Variants in CAMK1D observed in about 807,000 individuals in gnomAD.
CAMK1D encodes calcium/calmodulin dependent protein kinase ID.
A neutral mutation model predicts 47.7 loss-of-function variants in CAMK1D; 9 were observed. The ratio of observed to expected loss-of-function variants is 0.19; its 90% CI spans 0.11 to 0.33. The LOEUF (loss-of-function observed/expected upper bound fraction) is 0.33. Among genes scored for constraint, CAMK1D ranks in the 10% least tolerant of loss-of-function variants. CAMK1D has a pLI of 1.00. For synonymous variants in CAMK1D, 184 were observed against 184.9 expected, an observed-to-expected ratio of 0.99 and a Z score of 0.04; for missense variants, 291 against 488.7, an observed-to-expected ratio of 0.60 and a Z score of 3.81.
chr10:12,544,922 T>A (rs1323746149), intron 1 of CAMK1D, among the ~76,000 whole-genome samples: 1 of 151,982 alleles, frequency 6.6e-6, no homozygotes, highest in Admixed American at 6.6e-5. Flanking sequence ...GAGCGGAAGG[T>A]CATTAGGATA....
rs138815042 is a variant in CAMK1D, at chr10:12,452,859, G to A, written c.93-100366G>A. ...TGGGATTACAGGCATGAGCCACCGC[G>A]CCTGGCCCATTTTGACTGTTTTTAA... On this transcript the variant is annotated intron_variant, in intron 1 of 10. Coordinates refer to ENST00000619168, the MANE Select transcript of CAMK1D (RefSeq NM_153498.4). Among the ~76,000 whole-genome samples the A allele has an allele frequency of 7.0e-3, 1,066 of 152,192 alleles. 14 individuals carry two copies. Among genetic ancestry groups the A allele is most frequent in the African/African-American group, 0.023 (969 of 41,516 alleles).
At chr10:12,399,211 A>T (rs1427640248) in intron 1 of CAMK1D, among the ~76,000 whole-genome samples, 1 of 152,132 alleles carries the variant, frequency 6.6e-6, no homozygotes, top group African/African-American at 2.4e-5. Flanking sequence ...CCAGGAAGAT[A>T]AAAGTTGAGG....
intron 7 of CAMK1D, among the ~76,000 whole-genome samples, chr10:12,815,145 G>A (rs1463407030): frequency 2.0e-5 from 3 of 152,200 alleles, no homozygotes; most frequent in Non-Finnish European, 4.4e-5. Context: ...CTAGTAAGGG[G>A]CAGAGCCGGC....
chr10:12,367,769 C>A (rs989988621), intron 1 of CAMK1D, among the ~76,000 whole-genome samples: 2 of 152,052 alleles, frequency 1.3e-5, no homozygotes, highest in African/African-American at 4.8e-5. Flanking sequence ...GTGATGGGGG[C>A]GTCTGTAAAT....
In CAMK1D at chr10:12,573,831, C is replaced by CTTTTTTTTTTTTTTTTTTTTTTTTT. The variant is rs34038018; in HGVS notation, c.224+20476_224+20500dup. Among the ~76,000 whole-genome samples, 4 of 64,076 alleles carry CTTTTTTTTTTTTTTTTTTTTTTTTT rather than the reference C, an allele frequency of 6.2e-5. 1 individual carries two copies. The highest frequency in any genetic ancestry group is 2.2e-4 in the African/African-American group (4 of 18,442). 42.0% of individuals were successfully genotyped at this position (64,076 alleles called of 152,430 possible). On this transcript the variant is annotated intron_variant, in intron 2 of 10. Transcript: ENST00000619168. ...CACCATGCCTGGCTTATTAAAAAAA[C>CTTTTTTTTTTTTTTTTTTTTTTTTT]TTTTTTTTTTTTTTTTTTTTTTTTT...
intron 2 of CAMK1D, among the ~76,000 whole-genome samples, chr10:12,595,963 G>C (rs1035816117): frequency 6.6e-6 from 1 of 151,932 alleles, no homozygotes; most frequent in African/African-American, 2.4e-5. Context: ...GCTTGGGGGA[G>C]AGTCAGGCCA....
intron 1 of CAMK1D, among the ~76,000 whole-genome samples, chr10:12,409,285 C>T (rs757853318): frequency 4.0e-5 from 6 of 151,798 alleles, no homozygotes; most frequent in Admixed American, 6.6e-5. Context: ...GTGGACTTGG[C>T]GCCTACACTC....
intron 3 of CAMK1D, among the ~76,000 whole-genome samples, chr10:12,732,144 G>A (rs531012080): frequency 1.3e-5 from 2 of 152,286 alleles, no homozygotes; most frequent in South Asian, 4.1e-4. Flanking sequence ...AGGAGGCTGA[G>A]GCAGGAGAAT....
At chr10:12,809,499 T>G (rs575650893) in intron 6 of CAMK1D, among the ~76,000 whole-genome samples, 3 of 152,358 alleles carry the variant, frequency 2.0e-5, no homozygotes, top group African/African-American at 7.2e-5. Context: ...CATGAACATA[T>G]GAGTGGTTAA....
At chr10:12,819,905 G>A (rs893062197) in intron 8 of CAMK1D, among the ~76,000 whole-genome samples, 36 of 152,136 alleles carry the variant, frequency 2.4e-4, no homozygotes, top group African/African-American at 7.7e-4. Context: ...GAAGCCATGG[G>A]CATTGGGCAG....
At chr10:12,560,110 G>A (rs547634897) in intron 2 of CAMK1D, among the ~76,000 whole-genome samples, 12 of 152,286 alleles carry the variant, frequency 7.9e-5, no homozygotes, top group African/African-American at 2.9e-4. Context: ...CCCAGAGAAA[G>A]GCTTTGACGT....
chr10:12,460,032 A>G (rs1273838023), intron 1 of CAMK1D, among the ~76,000 whole-genome samples: 2 of 152,208 alleles, frequency 1.3e-5, no homozygotes, highest in Non-Finnish European at 2.9e-5. Context: ...GCGTATTCAC[A>G]AGCATTGCTA....
chr10:12,622,153 G>A lies in CAMK1D; in HGVS notation c.225-44583G>A, dbSNP rs527674053. 7.9e-5 allele frequency among the ~76,000 whole-genome samples: 12 copies of A among 152,304 alleles called. No homozygotes were observed. The South Asian group carries it at 1.9e-3, about 24-fold the overall frequency. ...TCCACCATGGTTGACACCACCAGGC[G>A]TGGGGGTCCCCTTGGTACAGCCTTG... is the stretch of plus-strand genomic sequence containing the variant. On this transcript the variant is annotated intron_variant, in intron 2 of 10. Coordinates refer to ENST00000619168, the MANE Select transcript of CAMK1D (RefSeq NM_153498.4).
chr10:12,409,456 T>C (rs1839577193), intron 1 of CAMK1D, among the ~76,000 whole-genome samples: 1 of 152,222 alleles, frequency 6.6e-6, no homozygotes. Context: ...AAATCTCTCC[T>C]TTTTCTTTTT....
chr10:12,555,731 G>C (rs548186532), intron 2 of CAMK1D, among the ~76,000 whole-genome samples: 1 of 152,214 alleles, frequency 6.6e-6, no homozygotes, highest in African/African-American at 2.4e-5. Context: ...AAGGTTTTAC[G>C]TTGGGCACAG....
intron 2 of CAMK1D, among the ~76,000 whole-genome samples, chr10:12,560,720 A>AG (rs1338789007): frequency 6.6e-6 from 1 of 152,048 alleles, no homozygotes; most frequent in African/African-American, 2.4e-5. Flanking sequence ...TGAGCTGCTT[A>AG]GAAGGGTCTA....
At chr10:12,552,772 T>G (rs893170687) in intron 1 of CAMK1D, among the ~76,000 whole-genome samples, 5 of 152,122 alleles carry the variant, frequency 3.3e-5, no homozygotes, top group African/African-American at 9.7e-5. Flanking sequence ...GACAGAGTCT[T>G]GCTCTGTCGC....
At chr10:12,469,299 GTAGA>G (rs1436490987) in intron 1 of CAMK1D, among the ~76,000 whole-genome samples, 1 of 150,734 alleles carries the variant, frequency 6.6e-6, no homozygotes, top group Non-Finnish European at 1.5e-5. Flanking sequence ...AGGTTAGAAG[GTAGA>G]GGTTCCCCCG....
intron 8 of CAMK1D, 101 bp downstream of exon 8, chr10:12,816,429 G>A: frequency 1.1e-6 from 1 of 915,430 alleles, no homozygotes; most frequent in Non-Finnish European, 1.7e-6. Context: ...ATCCACACAG[G>A]ATTATTACAA....
Sources: allele counts gnomAD v4.1 joint callset (sites outside exome capture counted in the v4.1 genomes callset), GRCh38; gene constraint gnomAD v4.1.1; transcripts MANE v1.5; gene names NCBI Gene and HGNC (gene_info 2026-07-23, HGNC 2026-07-21).